The following CDH4 variants were observed in gnomAD, a reference collection of about 807,000 sequenced individuals.
The protein encoded by CDH4 is cadherin-4.
Under a neutral mutation model 86.0 loss-of-function variants are expected in CDH4, and 33 were observed. The observed-to-expected ratio is 0.38, with a 90% CI of 0.29 to 0.51. The LOEUF (loss-of-function observed/expected upper bound fraction) is 0.51, where lower values mean the gene tolerates loss of function less well. Among genes scored for constraint, CDH4 ranks in the 20% least tolerant of loss-of-function variants. The probability of loss-of-function intolerance (pLI) is 0.86; values close to 1 mark genes in which losing one functional copy is unlikely to be tolerated. For missense variants in CDH4, 1,114 were observed against 1,307.4 expected (o/e 0.85, Z 2.28); for synonymous variants, 555 against 549.4 (o/e 1.01, Z -0.14).
intron 7 of CDH4, 45 bp downstream of exon 7, chr20:61,873,945 C>G (rs771208298): frequency 6.9e-6 from 11 of 1,595,240 alleles, no homozygotes; most frequent in African/African-American, 1.3e-5. Flanking sequence ...AGCTCCTGGT[C>G]CCCGCAGGAC....
chr20:61,820,126 T>C (rs1980938774), intron 4 of CDH4, among the ~76,000 whole-genome samples: 1 of 152,162 alleles, frequency 6.6e-6, no homozygotes, highest in South Asian at 2.1e-4. Flanking sequence ...TCTCCACTTG[T>C]CTTCCCAAAC....
chr20:61,759,029 A>G (rs922511675), intron 3 of CDH4, among the ~76,000 whole-genome samples: 1 of 152,164 alleles, frequency 6.6e-6, no homozygotes, highest in Non-Finnish European at 1.5e-5. Flanking sequence ...GTGTGTGCAC[A>G]TGTGTGCGTT....
intron 2 of CDH4, among the ~76,000 whole-genome samples, chr20:61,352,548 C>T (rs1056320465): frequency 8.5e-5 from 13 of 152,224 alleles, no homozygotes; most frequent in African/African-American, 2.2e-4. Flanking sequence ...GTGCGCGGGA[C>T]GTCCAGCCCT....
intron 2 of CDH4, among the ~76,000 whole-genome samples, chr20:61,451,442 A>T (rs1371118568): frequency 6.6e-6 from 1 of 152,184 alleles, no homozygotes; most frequent in Non-Finnish European, 1.5e-5. Flanking sequence ...AATGGGTATA[A>T]TAATACCGTT....
chr20:61,658,775 C>G (rs760178613), intron 2 of CDH4, among the ~76,000 whole-genome samples: 1 of 152,176 alleles, frequency 6.6e-6, no homozygotes, highest in African/African-American at 2.4e-5. Flanking sequence ...CCCCCCCACT[C>G]CCAGGCAGCA....
intron 2 of CDH4, among the ~76,000 whole-genome samples, chr20:61,605,027 A>G (rs957814562): frequency 1.3e-5 from 2 of 152,224 alleles, no homozygotes; most frequent in Admixed American, 1.3e-4. Flanking sequence ...GTTTTGGTGC[A>G]GACAGTGTGG....
At chr20:61,772,942 T>G in intron 3 of CDH4, 61 bp from the exon 4 acceptor site, 1 of 1,487,032 alleles carries the variant, frequency 6.7e-7, no homozygotes, top group East Asian at 2.3e-5. Context: ...CAGATGCCAT[T>G]TTCCTCTGTG....
intron 2 of CDH4, among the ~76,000 whole-genome samples, chr20:61,710,914 C>T (rs116933060): frequency 0.012 from 1,871 of 152,310 alleles, 13 homozygotes; most frequent in Non-Finnish European, 0.018. Context: ...TGTCACTGCT[C>T]TAACAAATCG....
intron 4 of CDH4, among the ~76,000 whole-genome samples, chr20:61,790,235 C>A (rs1166399444): frequency 1.3e-5 from 2 of 151,990 alleles, no homozygotes; most frequent in Non-Finnish European, 2.9e-5. Context: ...ACCATCCATC[C>A]ATTCATCTCT....
At chr20:61,779,667 A>G (rs1436924603) in intron 4 of CDH4, among the ~76,000 whole-genome samples, 2 of 152,240 alleles carry the variant, frequency 1.3e-5, no homozygotes, top group Admixed American at 6.5e-5. Context: ...ACACCGTTCT[A>G]TGTGAACAGA....
rs760166432 is a variant in CDH4, at chr20:61,936,982, C to T, written c.*39C>T. ...TTCGGACCGAAGTGAGAGCCGTGCT[C>T]GGACGCCGGAGGAGCAGGACTGAGC... is the stretch of plus-strand genomic sequence containing the variant. On this transcript the variant is annotated 3_prime_UTR_variant, in exon 16 of 16. Coordinates refer to ENST00000614565, the MANE Select transcript of CDH4 (RefSeq NM_001794.5). The T allele has an allele frequency of 9.2e-6, 14 of 1,518,732 alleles. No homozygotes were observed. Among genetic ancestry groups the T allele is most frequent in the East Asian group, 4.8e-5 (2 of 41,670 alleles). 94.1% of individuals were successfully genotyped at this position (1,518,732 alleles called of 1,614,324 possible).
intron 2 of CDH4, among the ~76,000 whole-genome samples, chr20:61,466,975 T>G (rs2085475852): frequency 6.6e-6 from 1 of 152,264 alleles, no homozygotes; most frequent in African/African-American, 2.4e-5. Flanking sequence ...ATTACTATCT[T>G]GGCCTCTTTC....
chr20:61,936,928 T>C lies in CDH4; in HGVS notation c.2736T>C (p.Gly912=), dbSNP rs2123026742. ...AGAAGCTGGCGGACATGTATGGAGGTGGTGAAGAGGATTGACTGACCTCGC... is the reference window on the plus strand; with the variant it reads ...AGAAGCTGGCGGACATGTATGGAGGCGGTGAAGAGGATTGACTGACCTCGC... ...RFKKLADMYG[G]GEED The change falls in exon 16 of 16, where the codon GGT becomes GGC. Residue 912 remains glycine, a synonymous_variant. Coordinates refer to ENST00000614565, the MANE Select transcript of CDH4 (RefSeq NM_001794.5). 6.3e-7 allele frequency: 1 copy of C among 1,580,532 alleles called. No homozygotes were observed.
At chr20:61,791,190 AAGTTTTTGAC>A (rs1385652149) in intron 4 of CDH4, among the ~76,000 whole-genome samples, 1 of 152,262 alleles carries the variant, frequency 6.6e-6, no homozygotes, top group African/African-American at 2.4e-5. Flanking sequence ...TAAAGGTAAT[AAGTTTTTGAC>A]AGTGGTGGAC....
chr20:61,772,268 G>T, intron 3 of CDH4, among the ~76,000 whole-genome samples: 1 of 152,282 alleles, frequency 6.6e-6, no homozygotes, highest in East Asian at 1.9e-4. Context: ...ACCCTCAGCC[G>T]TCAGCCTCCG....
intron 11 of CDH4, among the ~76,000 whole-genome samples, chr20:61,927,688 G>A (rs780342793): frequency 1.3e-4 from 20 of 152,246 alleles, no homozygotes; most frequent in Non-Finnish European, 2.4e-4. Flanking sequence ...CCAGCCCTCA[G>A]GGGCCAGTGC....
At chr20:61,775,828 A>G (rs999050758) in intron 4 of CDH4, among the ~76,000 whole-genome samples, 1 of 152,116 alleles carries the variant, frequency 6.6e-6, no homozygotes, top group Non-Finnish European at 1.5e-5. Flanking sequence ...TGGCTCTTGG[A>G]GTTTCTCAGC....
chr20:61,707,302 A>G (rs992909071), intron 2 of CDH4, among the ~76,000 whole-genome samples: 5 of 152,256 alleles, frequency 3.3e-5, no homozygotes, highest in Admixed American at 3.3e-4. Context: ...GGACAAGGAA[A>G]GGCCCAACTC....
intron 2 of CDH4, among the ~76,000 whole-genome samples, chr20:61,472,565 C>T (rs1007827115): frequency 8.5e-5 from 13 of 152,150 alleles, no homozygotes; most frequent in Non-Finnish European, 1.5e-4. Flanking sequence ...TTTGAGGCTA[C>T]CATGAGGTTT....
Sources: gnomAD v4.1 joint callset for allele counts (sites outside exome capture counted in the v4.1 genomes callset) on GRCh38, gnomAD v4.1.1 for gene constraint, MANE v1.5 for transcripts, NCBI Gene and HGNC (gene_info 2026-07-23, HGNC 2026-07-21) for gene names.